The following GALNT18 variants were observed in gnomAD, a reference collection of about 807,000 sequenced individuals.
The protein encoded by GALNT18 is GalNAc-transferase 18.
A neutral mutation model predicts 69.5 loss-of-function variants in GALNT18; 44 were observed. That is an observed-to-expected ratio of 0.63 (90% CI 0.50 to 0.81). The LOEUF (loss-of-function observed/expected upper bound fraction) is 0.81. GALNT18 is among the 40% of genes least tolerant of loss of function. The pLI, the probability that GALNT18 is intolerant of heterozygous loss-of-function variation, is 0.00. For synonymous variants in GALNT18, 364 were observed against 318.2 expected (o/e 1.14, Z -1.53); for missense variants, 715 against 810.0 (o/e 0.88, Z 1.42).
At chr11:11,466,333 T>C (rs1366052115) in intron 1 of GALNT18, among the ~76,000 whole-genome samples, 2 of 152,238 alleles carry the variant, frequency 1.3e-5, no homozygotes, top group Non-Finnish European at 2.9e-5. Flanking sequence ...TACTTGAAAT[T>C]TGAAAATAAA....
At chr11:11,279,913 TAAAA>T (rs948519509) in intron 10 of GALNT18, among the ~76,000 whole-genome samples, 1 of 151,650 alleles carries the variant, frequency 6.6e-6, no homozygotes, top group African/African-American at 2.4e-5. Flanking sequence ...AAAATTGAAA[TAAAA>T]AATCCAGCTC....
chr11:11,608,665 G>A (rs948318924), intron 1 of GALNT18, among the ~76,000 whole-genome samples: 1 of 152,078 alleles, frequency 6.6e-6, no homozygotes, highest in Non-Finnish European at 1.5e-5. Flanking sequence ...CTGGCCGATT[G>A]TCTTCATTTC....
Position 11,339,860 on chromosome 11 carries a change from T to G in GALNT18, c.1278+959A>C, listed in dbSNP as rs1313056912. Among the ~76,000 whole-genome samples the G allele has an allele frequency of 1.3e-5, 2 of 152,138 alleles. No homozygotes were observed. The highest frequency in any genetic ancestry group is 3.9e-4 in the East Asian group (2 of 5,188). On this transcript the variant is annotated intron_variant, in intron 7 of 10. Transcript: ENST00000227756. The surrounding 1 kb of genome is among the most constrained non-coding windows in gnomAD (Gnocchi z 5.2). ...CTCAATCATTTAACCAGAGCAACAT[T>G]AGCTTGGTGTAGAGTTTAGGTAACA...
At chr11:11,556,489 C>A (rs1270204901) in intron 1 of GALNT18, among the ~76,000 whole-genome samples, 2 of 152,204 alleles carry the variant, frequency 1.3e-5, no homozygotes, top group African/African-American at 2.4e-5. Context: ...CACTTCTGTG[C>A]AAGATAGTGC....
At chr11:11,388,429 G>A (rs897260008) in intron 3 of GALNT18, among the ~76,000 whole-genome samples, 1 of 152,220 alleles carries the variant, frequency 6.6e-6, no homozygotes, top group African/African-American at 2.4e-5. Context: ...TGACCAGTTA[G>A]GAATGTGTTG....
At chr11:11,352,194 T>A (rs778704923) in intron 6 of GALNT18, 7 of 1,613,428 alleles carry the variant, frequency 4.3e-6, no homozygotes, top group Non-Finnish European at 5.9e-6. Flanking sequence ...CCGTGACTGG[T>A]GGTCATATCG....
At position 11,436,069 on chromosome 11, in the gene GALNT18, C is replaced by T. The variant is rs1855395086; in HGVS notation, c.429-3282G>A. On this transcript the variant is annotated intron_variant, in intron 2 of 10. Coordinates refer to ENST00000227756, the MANE Select transcript of GALNT18 (RefSeq NM_198516.3). This position sits in a 1 kb window ranked among gnomAD's most constrained non-coding sequence, Gnocchi z 4.5. The stretch of plus-strand genomic sequence containing the variant: ...TTTCTCCACACCTGACCTAATGTGG[C>T]CCTGCGTGAGCAGAGAGGCGAGGGG... Among the ~76,000 whole-genome samples, 1 of 152,208 alleles carries T rather than the reference C, an allele frequency of 6.6e-6. No homozygotes were observed. Among genetic ancestry groups the T allele is most frequent in the Non-Finnish European group, 1.5e-5 (1 of 68,036 alleles).
intron 2 of GALNT18, 62 bp downstream of exon 2, chr11:11,448,682 C>T (rs547973587): frequency 1.4e-6 from 2 of 1,439,808 alleles, no homozygotes; most frequent in South Asian, 2.6e-5. Flanking sequence ...GTTCCCAGCA[C>T]TCTGGGGACC....
intron 1 of GALNT18, among the ~76,000 whole-genome samples, chr11:11,557,431 T>A (rs1858358171): frequency 6.6e-6 from 1 of 152,226 alleles, no homozygotes; most frequent in Non-Finnish European, 1.5e-5. Flanking sequence ...CTAATTTCTC[T>A]GGGTCCTGCC....
intron 9 of GALNT18, among the ~76,000 whole-genome samples, chr11:11,311,044 A>C (rs1849664224): frequency 6.6e-6 from 1 of 152,142 alleles, no homozygotes; most frequent in East Asian, 1.9e-4. Context: ...CCTCCTCCAG[A>C]GGCCTTTTGG....
chr11:11,493,681 C>T (rs1201669309), intron 1 of GALNT18, among the ~76,000 whole-genome samples: 2 of 152,212 alleles, frequency 1.3e-5, no homozygotes, highest in Non-Finnish European at 2.9e-5. Flanking sequence ...ACACCCACCA[C>T]TGAGCCTCCC....
chr11:11,544,006 C>G (rs1327820611), intron 1 of GALNT18, among the ~76,000 whole-genome samples: 1 of 152,194 alleles, frequency 6.6e-6, no homozygotes, highest in Non-Finnish European at 1.5e-5. Context: ...GATTTTGGGG[C>G]CCTGCAATAG....
Position 11,404,243 on chromosome 11 carries a change from T to C in GALNT18, c.596-24979A>G, listed in dbSNP as rs1289211143. ...GCTGCTCCAGGAAATGGGGATGGCA[T>C]TGATCACTGAATTCCCCAGGGGAGC... is the stretch of plus-strand genomic sequence containing the variant. On this transcript the variant is annotated intron_variant, in intron 3 of 10. Coordinates refer to ENST00000227756, the MANE Select transcript of GALNT18 (RefSeq NM_198516.3). This position sits in a 1 kb window ranked among gnomAD's most constrained non-coding sequence, Gnocchi z 4.5. Among the ~76,000 whole-genome samples the C allele has an allele frequency of 6.6e-6, 1 of 152,218 alleles. No individual in the cohort carries two copies. The highest frequency in any genetic ancestry group is 1.5e-5 in the Non-Finnish European group (1 of 68,026).
intron 1 of GALNT18, among the ~76,000 whole-genome samples, chr11:11,478,688 T>C (rs1470990584): frequency 2.0e-5 from 3 of 152,244 alleles, no homozygotes; most frequent in African/African-American, 7.2e-5. Flanking sequence ...AATATGACTG[T>C]GTCTGGGGTT....
At chr11:11,462,591 C>T (rs1381828831) in intron 1 of GALNT18, among the ~76,000 whole-genome samples, 2 of 152,196 alleles carry the variant, frequency 1.3e-5, no homozygotes, top group South Asian at 4.1e-4. Context: ...CCGCACCCGG[C>T]CCTTCCTTTT....
chr11:11,340,812 T>G lies in GALNT18; in HGVS notation c.1278+7A>C, dbSNP rs1850191146. On this transcript the variant is annotated splice_region_variant and intron_variant, in intron 7 of 10. Transcript: ENST00000227756. This position sits in a 1 kb window ranked among gnomAD's most constrained non-coding sequence, Gnocchi z 4.2. Reference sequence around the variant, plus strand: ...CCGAGAAACTCATCCCTACCGGAGATCCCTACCTCCTGCGGTATGTTCCAT... The same window carrying G: ...CCGAGAAACTCATCCCTACCGGAGAGCCCTACCTCCTGCGGTATGTTCCAT... 6.2e-7 allele frequency: 1 copy of G among 1,601,772 alleles called. No individual in the cohort carries two copies. The highest frequency in any genetic ancestry group is 8.5e-7 in the Non-Finnish European group (1 of 1,173,440).
rs903348545 is a variant in GALNT18, at chr11:11,444,306, C to T, written c.428+4438G>A. On this transcript the variant is annotated intron_variant, in intron 2 of 10. Transcript: ENST00000227756. This position sits in a 1 kb window ranked among gnomAD's most constrained non-coding sequence, Gnocchi z 4.4. ...CACCAGAGGGACAGTGCTTCTGTGA[C>T]CATCACATCCAGGCCACTGCCTTAC... Among the ~76,000 whole-genome samples, 3 of 152,178 alleles carry T rather than the reference C, an allele frequency of 2.0e-5. No homozygotes were observed. Among genetic ancestry groups the T allele is most frequent in the Admixed American group, 1.3e-4 (2 of 15,286 alleles).
At position 11,532,282 on chromosome 11, in the gene GALNT18, G is replaced by A. The variant is rs370990922; in HGVS notation, c.236-83346C>T. ...TCATTGAGTACCTGAGCTGGAGCAC[G>A]GATTTTACAACCATTTCTCCATTCT... On this transcript the variant is annotated intron_variant, in intron 1 of 10. Coordinates refer to ENST00000227756, the MANE Select transcript of GALNT18 (RefSeq NM_198516.3). Among the ~76,000 whole-genome samples the A allele has an allele frequency of 2.0e-4, 30 of 152,228 alleles. No individual in the cohort carries two copies. In the South Asian group the frequency reaches 5.4e-3, roughly 27 times the overall value.
At position 11,432,611 on chromosome 11, in the gene GALNT18, C is replaced by A. The variant is rs757370401; in HGVS notation, c.595+10G>T. 1 of 1,599,430 alleles carries A rather than the reference C, an allele frequency of 6.3e-7. No homozygotes were observed. Among genetic ancestry groups the A allele is most frequent in the Non-Finnish European group, 8.5e-7 (1 of 1,172,384 alleles). On this transcript the variant is annotated intron_variant, in intron 3 of 10. Coordinates refer to ENST00000227756, the MANE Select transcript of GALNT18 (RefSeq NM_198516.3). The surrounding 1 kb of genome is among the most constrained non-coding windows in gnomAD (Gnocchi z 5.8). ...GTAGGGCCTGGGCCCTGGGAAGCTC[C>A]GACACTCACCGTTACTGCTGTTGTC...
Sources: allele counts gnomAD v4.1 joint callset (sites outside exome capture counted in the v4.1 genomes callset), GRCh38; gene constraint gnomAD v4.1.1; non-coding constraint Gnocchi (gnomAD v3.1); transcripts MANE v1.5; gene names NCBI Gene and HGNC (gene_info 2026-07-23, HGNC 2026-07-21).